SV2C: variants seen among roughly 807,000 people sequenced by gnomAD.
SV2C encodes the protein synaptic vesicle glycoprotein 2C.
SV2C carries 49 observed loss-of-function variants against 79.7 expected under a neutral mutation model. The ratio of observed to expected loss-of-function variants is 0.61; its 90% confidence interval spans 0.49 to 0.78. The LOEUF (loss-of-function observed/expected upper bound fraction) is 0.78, where lower values mean the gene tolerates loss of function less well. Ranked by LOEUF, SV2C falls within the 30% of genes least tolerant of loss-of-function variation. The probability of loss-of-function intolerance (pLI) is 0.00; values close to 1 mark genes in which losing one functional copy is unlikely to be tolerated. For missense variants in SV2C, 833 were observed against 912.9 expected, an observed-to-expected ratio of 0.91 and a Z score of 1.13; for synonymous variants, 334 against 333.2, an observed-to-expected ratio of 1.00 and a Z score of -0.03.
At chr5:76,101,159 T>A (rs1471968172) in intron 1 of SV2C, among the ~76,000 whole-genome samples, 1 of 151,974 alleles carries the variant, frequency 6.6e-6, no homozygotes, top group African/African-American at 2.4e-5. Flanking sequence ...CGAGTGATCC[T>A]CTTGGTCTGG....
intron 12 of SV2C, chr5:76,311,561 C>A (rs937098725): frequency 1.3e-5 from 2 of 152,152 alleles, no homozygotes; most frequent in African/African-American, 4.8e-5. Context: ...ATTGAATATA[C>A]AAGTCATTGT....
chr5:75,954,934 A>G, the SV2C span, among the ~76,000 whole-genome samples: 1 of 148,450 alleles, frequency 6.7e-6, no homozygotes. Flanking sequence ...GCTCATGGGT[A>G]GGAAGAATCA....
the SV2C span, among the ~76,000 whole-genome samples, chr5:76,041,091 A>G: frequency 6.6e-6 from 1 of 152,148 alleles, no homozygotes; most frequent in African/African-American, 2.4e-5. Context: ...TCAAGCTTGT[A>G]CCAGGGCTGA....
At chr5:76,196,764 C>G (rs906653996) in intron 3 of SV2C, among the ~76,000 whole-genome samples, 26 of 152,164 alleles carry the variant, frequency 1.7e-4, no homozygotes, top group Admixed American at 7.9e-4. Context: ...GAAATTGAAG[C>G]AATATCCAAA....
At chr5:76,084,430 A>G (rs1747103670) in intron 1 of SV2C, among the ~76,000 whole-genome samples, 1 of 152,056 alleles carries the variant, frequency 6.6e-6, no homozygotes, top group Admixed American at 6.5e-5. Context: ...TTTTCTCCAG[A>G]GCGTCGCGGG....
At chr5:75,904,691 A>G in the SV2C span, among the ~76,000 whole-genome samples, 4 of 152,314 alleles carry the variant, frequency 2.6e-5, no homozygotes, top group East Asian at 5.8e-4. Context: ...ACTGGATCCT[A>G]GGGAAAACAT....
intron 6 of SV2C, among the ~76,000 whole-genome samples, chr5:76,288,285 AG>A (rs1223139737): frequency 6.6e-6 from 1 of 152,182 alleles, no homozygotes; most frequent in Non-Finnish European, 1.5e-5. Context: ...CATTTTATTT[AG>A]GAAATGAATT....
chr5:76,286,007 A>C, intron 6 of SV2C, 137 bp downstream of exon 6: 1 of 658,628 alleles, frequency 1.5e-6, no homozygotes, highest in Non-Finnish European at 2.5e-6. Context: ...ATTGTAGTGC[A>C]AAAGCAGCCA....
At chr5:75,928,466 T>A in the SV2C span, among the ~76,000 whole-genome samples, 7 of 152,160 alleles carry the variant, frequency 4.6e-5, no homozygotes, top group Non-Finnish European at 1.0e-4. Flanking sequence ...CACATGTAGG[T>A]ATTAATTATT....
chr5:76,148,638 G>A (rs1275756413), intron 2 of SV2C, among the ~76,000 whole-genome samples: 1 of 152,136 alleles, frequency 6.6e-6, no homozygotes, highest in Non-Finnish European at 1.5e-5. Flanking sequence ...AATTTTTGTA[G>A]AGTCAGAGTC....
the SV2C span, among the ~76,000 whole-genome samples, chr5:75,879,757 CA>C: frequency 6.6e-6 from 1 of 152,224 alleles, no homozygotes. Flanking sequence ...GGCAATGCCC[CA>C]GTGGGGACTC....
At chr5:76,158,329 T>C (rs1389262341) in intron 2 of SV2C, among the ~76,000 whole-genome samples, 1 of 150,868 alleles carries the variant, frequency 6.6e-6, no homozygotes, top group Non-Finnish European at 1.5e-5. Context: ...AAGATACAAA[T>C]AGACTGAAAG....
chr5:75,876,258 G>T, the SV2C span, among the ~76,000 whole-genome samples: 54 of 152,228 alleles, frequency 3.5e-4, no homozygotes, highest in Non-Finnish European at 5.6e-4. Context: ...ATGAGATCAT[G>T]TCTTTTTTGG....
intron 3 of SV2C, among the ~76,000 whole-genome samples, chr5:76,200,112 G>C (rs1744392342): frequency 6.6e-6 from 1 of 152,170 alleles, no homozygotes; most frequent in Non-Finnish European, 1.5e-5. Context: ...TCAGAGCAGG[G>C]GCTTATGGAA....
chr5:76,304,478 A>G (rs1225719489), intron 12 of SV2C, among the ~76,000 whole-genome samples: 1 of 152,212 alleles, frequency 6.6e-6, no homozygotes, highest in African/African-American at 2.4e-5. Context: ...ATAGAATACA[A>G]GAATACAGGA....
the SV2C span, among the ~76,000 whole-genome samples, chr5:75,893,586 T>C: frequency 6.6e-6 from 1 of 152,108 alleles, no homozygotes; most frequent in Non-Finnish European, 1.5e-5. Flanking sequence ...CACTGGAGAC[T>C]GCTAGAGTGG....
the SV2C span, among the ~76,000 whole-genome samples, chr5:76,029,351 T>G: frequency 3.9e-5 from 6 of 152,218 alleles, no homozygotes; most frequent in Admixed American, 3.9e-4. Flanking sequence ...CTGAAAATGT[T>G]GTGTTCTTTG....
chr5:76,014,252 AAAGGAAAGAAAG>A, the SV2C span, among the ~76,000 whole-genome samples: 181 of 144,380 alleles, frequency 1.3e-3, 2 homozygotes, highest in Middle Eastern at 0.014. Flanking sequence ...GAGAAAGAAG[AAAGGAAAGAAAG>A]AAGGAAAGAA....
the SV2C span, among the ~76,000 whole-genome samples, chr5:75,916,998 C>T: frequency 7.2e-5 from 11 of 152,210 alleles, no homozygotes; most frequent in Admixed American, 1.3e-4. Flanking sequence ...TCCACCGTCT[C>T]CAAATGCTCC....
Sources: allele counts gnomAD v4.1 joint callset (sites outside exome capture counted in the v4.1 genomes callset), GRCh38; gene constraint gnomAD v4.1.1; transcripts MANE v1.5; gene names NCBI Gene and HGNC (gene_info 2026-07-23, HGNC 2026-07-21).